The following CTNNA3 variants were observed in gnomAD, a reference collection of about 807,000 sequenced individuals.
CTNNA3 encodes the protein catenin alpha-3.
CTNNA3 carries 76 observed loss-of-function variants against 95.7 expected under a neutral mutation model. That is an observed-to-expected ratio of 0.79 (90% CI 0.66 to 0.96). CTNNA3 has a LOEUF of 0.96. CTNNA3 is among the 40% of genes least tolerant of loss of function. The pLI is 0.00. For missense variants in CTNNA3, 1,191 were observed against 1,089.8 expected (o/e 1.09, Z -1.31); for synonymous variants, 431 against 374.4 (o/e 1.15, Z -1.74).
intron 12 of CTNNA3, among the ~76,000 whole-genome samples, chr10:66,335,880 A>G (rs1324136351): frequency 1.3e-5 from 2 of 152,064 alleles, no homozygotes; most frequent in Non-Finnish European, 1.5e-5. Context: ...GGCTCCACCC[A>G]GTTTGAGCTT....
chr10:67,535,703 A>T (rs1271417351), intron 4 of CTNNA3, among the ~76,000 whole-genome samples: 1 of 152,162 alleles, frequency 6.6e-6, no homozygotes, highest in Non-Finnish European at 1.5e-5. Context: ...CATTTCATGG[A>T]AGTTACCTAC....
At chr10:66,413,073 G>C (rs939940874) in intron 11 of CTNNA3, among the ~76,000 whole-genome samples, 2 of 152,098 alleles carry the variant, frequency 1.3e-5, no homozygotes, top group African/African-American at 4.8e-5. Context: ...ACAAGTCTTT[G>C]AAACAGGATA....
At chr10:66,487,096 G>A (rs1839755720) in intron 11 of CTNNA3, among the ~76,000 whole-genome samples, 1 of 146,280 alleles carries the variant, frequency 6.8e-6, no homozygotes, top group African/African-American at 2.5e-5. Context: ...GTTATAAGAC[G>A]AATAAGTTCA....
At chr10:66,522,099 A>AT (rs954432271) in intron 10 of CTNNA3, among the ~76,000 whole-genome samples, 3 of 152,058 alleles carry the variant, frequency 2.0e-5, no homozygotes, top group Middle Eastern at 3.2e-3. Flanking sequence ...ATAATATAAT[A>AT]TTTTTTTAAT....
At chr10:67,612,447 A>AT (rs1438943717) in intron 2 of CTNNA3, among the ~76,000 whole-genome samples, 1 of 152,204 alleles carries the variant, frequency 6.6e-6, no homozygotes, top group Non-Finnish European at 1.5e-5. Flanking sequence ...AAAGGGAGGT[A>AT]TGTAAGCCAG....
intron 5 of CTNNA3, among the ~76,000 whole-genome samples, chr10:67,346,546 A>G (rs1031148431): frequency 2.6e-5 from 4 of 152,148 alleles, no homozygotes; most frequent in Non-Finnish European, 5.9e-5. Context: ...GCTTTAAATT[A>G]AATTAATGAA....
chr10:66,508,234 G>GTTTT (rs1840533379), intron 11 of CTNNA3, among the ~76,000 whole-genome samples: 1 of 88,316 alleles, frequency 1.1e-5, no homozygotes, highest in African/African-American at 5.1e-5. Flanking sequence ...TAACAATTTC[G>GTTTT]TTGACTCTCA....
At chr10:67,035,009 C>A (rs1853958013) in intron 7 of CTNNA3, among the ~76,000 whole-genome samples, 1 of 152,188 alleles carries the variant, frequency 6.6e-6, no homozygotes, top group South Asian at 2.1e-4. Context: ...TCACTTATTT[C>A]AAGAAGCCCT....
intron 7 of CTNNA3, among the ~76,000 whole-genome samples, chr10:66,793,173 C>T (rs1841045529): frequency 6.6e-6 from 1 of 152,034 alleles, no homozygotes; most frequent in Non-Finnish European, 1.5e-5. Context: ...AAGACAGAGT[C>T]TTCACTCTGT....
At chr10:66,971,719 T>C (rs1849734237) in intron 7 of CTNNA3, among the ~76,000 whole-genome samples, 1 of 152,122 alleles carries the variant, frequency 6.6e-6, no homozygotes, top group Non-Finnish European at 1.5e-5. Context: ...TCACTGAATT[T>C]GCAGGCAATT....
intron 13 of CTNNA3, among the ~76,000 whole-genome samples, chr10:66,128,518 C>T (rs892909931): frequency 6.6e-6 from 1 of 151,482 alleles, no homozygotes; most frequent in African/African-American, 2.4e-5. Context: ...AACTTAAATG[C>T]ATATTACCAA....
chr10:66,872,506 T>C (rs1410477623), intron 7 of CTNNA3, among the ~76,000 whole-genome samples: 1 of 151,832 alleles, frequency 6.6e-6, no homozygotes, highest in Non-Finnish European at 1.5e-5. Context: ...CCATCTCTAC[T>C]AAAAATACAA....
At chr10:66,581,915 TC>T (rs1843202074) in intron 10 of CTNNA3, among the ~76,000 whole-genome samples, 1 of 151,858 alleles carries the variant, frequency 6.6e-6, no homozygotes. Flanking sequence ...GAATGTCCTT[TC>T]CCCGATTTAT....
intron 11 of CTNNA3, among the ~76,000 whole-genome samples, chr10:66,469,328 G>A (rs951740889): frequency 6.6e-6 from 1 of 151,886 alleles, no homozygotes; most frequent in Non-Finnish European, 1.5e-5. Context: ...GTTGTAAGGT[G>A]GGAGAAGAGA....
chr10:66,390,455 T>C (rs968532454), intron 11 of CTNNA3, among the ~76,000 whole-genome samples: 1 of 152,124 alleles, frequency 6.6e-6, no homozygotes, highest in Non-Finnish European at 1.5e-5. Flanking sequence ...TGAGTTATAA[T>C]GCAAAATCGA....
At chr10:67,149,867 C>T (rs1333021279) in intron 7 of CTNNA3, among the ~76,000 whole-genome samples, 1 of 152,178 alleles carries the variant, frequency 6.6e-6, no homozygotes, top group Non-Finnish European at 1.5e-5. Flanking sequence ...CATACCCTGG[C>T]ATTTTGATAA....
chr10:67,536,184 G>C (rs1840480797), intron 4 of CTNNA3, among the ~76,000 whole-genome samples: 1 of 152,046 alleles, frequency 6.6e-6, no homozygotes, highest in Admixed American at 6.6e-5. Flanking sequence ...ACATCCAAAA[G>C]TCAAAAAATT....
At chr10:67,177,074 T>G (rs1862279550) in intron 7 of CTNNA3, 2 of 424,466 alleles carry the variant, frequency 4.7e-6, no homozygotes, top group Admixed American at 5.5e-5. Flanking sequence ...CATATATACA[T>G]ATGTATCCAC....
intron 11 of CTNNA3, among the ~76,000 whole-genome samples, chr10:66,421,459 A>C (rs1043922963): frequency 6.6e-6 from 1 of 152,176 alleles, no homozygotes; most frequent in African/African-American, 2.4e-5. Context: ...TGGACACTTC[A>C]AAAACTTTGA....
Sources: gnomAD v4.1 joint callset for allele counts (sites outside exome capture counted in the v4.1 genomes callset) on GRCh38, gnomAD v4.1.1 for gene constraint, MANE v1.5 for transcripts, NCBI Gene and HGNC (gene_info 2026-07-23, HGNC 2026-07-21) for gene names.